Variants in MTMR3 observed in about 807,000 individuals in gnomAD.
MTMR3 encodes the protein phosphatidylinositol-3,5-bisphosphate 3-phosphatase MTMR3.
MTMR3 carries 32 observed loss-of-function variants against 132.4 expected under a neutral mutation model. The ratio of observed to expected loss-of-function variants is 0.24; its 90% confidence interval spans 0.18 to 0.32. MTMR3 has a LOEUF of 0.32. MTMR3 is among the 10% of genes least tolerant of loss of function. The probability of loss-of-function intolerance (pLI) is 1.00; values close to 1 mark genes in which losing one functional copy is unlikely to be tolerated. For missense variants in MTMR3, 1,216 were observed against 1,489.6 expected, an observed-to-expected ratio of 0.82 and a Z score of 3.02; for synonymous variants, 556 against 550.3, an observed-to-expected ratio of 1.01 and a Z score of -0.14.
At chr22:29,968,142 A>G (rs1483597878) in intron 2 of MTMR3, among the ~76,000 whole-genome samples, 2 of 152,132 alleles carry the variant, frequency 1.3e-5, no homozygotes, top group African/African-American at 2.4e-5. Context: ...TGATGACTCT[A>G]AACTTTTTTG....
At chr22:30,010,952 A>C (rs2145945945) in intron 12 of MTMR3, 1 of 152,326 alleles carries the variant, frequency 6.6e-6, no homozygotes, top group South Asian at 2.1e-4. Context: ...TGCTGGGGGT[A>C]CAGTTATGAC....
chr22:29,940,601 C>G (rs1242736312), intron 1 of MTMR3, among the ~76,000 whole-genome samples: 1 of 149,614 alleles, frequency 6.7e-6, no homozygotes, highest in Admixed American at 6.6e-5. Flanking sequence ...TAGGAAAAAT[C>G]GGAACATTCT....
chr22:29,970,509 T>G (rs1384720563), intron 2 of MTMR3, among the ~76,000 whole-genome samples: 1 of 142,478 alleles, frequency 7.0e-6, no homozygotes, highest in African/African-American at 2.6e-5. Flanking sequence ...TTTTTTTTTT[T>G]TTTTTTTTTT....
At chr22:29,923,455 T>C (rs542285115) in intron 1 of MTMR3, among the ~76,000 whole-genome samples, 1 of 152,172 alleles carries the variant, frequency 6.6e-6, no homozygotes, top group Non-Finnish European at 1.5e-5. Context: ...TCTGCCACCT[T>C]GGCCTCCCAA....
Position 30,017,871 on chromosome 22 carries a change from A to T in MTMR3, c.1675-56A>T. The stretch of plus-strand genomic sequence containing the variant: ...GCTTGCTCTTGATCCTCATTTCCAG[A>T]CATCCTAGAAGACTTATTGGGGCAT... On this transcript the variant is annotated intron_variant, in intron 15 of 19. Coordinates refer to ENST00000401950, the MANE Select transcript of MTMR3 (RefSeq NM_021090.4). 4 of 1,600,678 alleles carry T rather than the reference A, an allele frequency of 2.5e-6. No individual in the cohort carries two copies. The South Asian group carries it at 4.5e-5, about 18-fold the overall frequency.
chr22:29,914,923 A>G (rs1030431978), intron 1 of MTMR3, among the ~76,000 whole-genome samples: 1 of 152,146 alleles, frequency 6.6e-6, no homozygotes, highest in African/African-American at 2.4e-5. Flanking sequence ...TGGCCTATGA[A>G]TTATAAAAGT....
chr22:29,915,083 G>T (rs2145755991), intron 1 of MTMR3, among the ~76,000 whole-genome samples: 2 of 152,216 alleles, frequency 1.3e-5, no homozygotes, highest in East Asian at 3.9e-4. Flanking sequence ...TGTGGTGAAT[G>T]TTTTGTGTCT....
At chr22:30,001,683 G>A (rs1276493535) in intron 8 of MTMR3, 1 of 152,174 alleles carries the variant, frequency 6.6e-6, no homozygotes, top group Non-Finnish European at 1.5e-5. Context: ...TGAGAGCCAA[G>A]TTTACTCTTG....
intron 1 of MTMR3, among the ~76,000 whole-genome samples, 164 bp downstream of exon 1, chr22:29,883,523 G>A (rs1246612080): frequency 6.6e-6 from 1 of 152,202 alleles, no homozygotes; most frequent in South Asian, 2.1e-4. Flanking sequence ...GGGCGTCCCC[G>A]GCGGCTGTCG....
At chr22:29,946,021 T>TGTGTGTGTGTGTG (rs1602533546) in intron 1 of MTMR3, among the ~76,000 whole-genome samples, 23 of 150,780 alleles carry the variant, frequency 1.5e-4, no homozygotes, top group African/African-American at 5.1e-4. Context: ...GTGTATATAT[T>TGTGTGTGTGTGTG]TGTGTGTGTG....
chr22:29,934,804 A>G (rs1013559768), intron 1 of MTMR3, among the ~76,000 whole-genome samples: 4 of 152,220 alleles, frequency 2.6e-5, no homozygotes, highest in Non-Finnish European at 4.4e-5. Context: ...ACCTCCTTCA[A>G]CAACTATGAA....
intron 1 of MTMR3, among the ~76,000 whole-genome samples, chr22:29,922,509 A>G (rs2065436948): frequency 6.6e-6 from 1 of 152,190 alleles, no homozygotes; most frequent in African/African-American, 2.4e-5. Context: ...GTATATACCT[A>G]GAATTGGAAT....
intron 3 of MTMR3, among the ~76,000 whole-genome samples, chr22:29,974,776 A>G (rs2066599034): frequency 6.6e-6 from 1 of 152,234 alleles, no homozygotes; most frequent in Non-Finnish European, 1.5e-5. Context: ...AAATGACCTT[A>G]CACAGAATAA....
chr22:29,903,796 C>G (rs530448453), intron 1 of MTMR3, among the ~76,000 whole-genome samples: 1 of 152,102 alleles, frequency 6.6e-6, no homozygotes, highest in African/African-American at 2.4e-5. Flanking sequence ...CAGAGCTTTT[C>G]TCATTAATGT....
chr22:29,906,701 T>C (rs985966910), intron 1 of MTMR3, among the ~76,000 whole-genome samples: 1 of 152,182 alleles, frequency 6.6e-6, no homozygotes, highest in Admixed American at 6.5e-5. Context: ...CTAGGAGCTT[T>C]TTCATTCCTG....
chr22:29,933,661 CTT>C (rs2065688837), intron 1 of MTMR3, among the ~76,000 whole-genome samples: 1 of 150,524 alleles, frequency 6.6e-6, no homozygotes, highest in African/African-American at 2.4e-5. Flanking sequence ...ACTAATCAGA[CTT>C]TAGTCATCAA....
At chr22:30,025,372 C>T (rs1199722174) in intron 19 of MTMR3, 2 of 520,252 alleles carry the variant, frequency 3.8e-6, no homozygotes, top group Non-Finnish European at 7.0e-6. Flanking sequence ...CTTTTGTATA[C>T]CTGAGCAGCA....
At chr22:30,025,605 T>G in intron 19 of MTMR3, 25 bp from the exon 20 acceptor site, 3 of 1,613,502 alleles carry the variant, frequency 1.9e-6, no homozygotes, top group Non-Finnish European at 2.5e-6. Context: ...AAAACTAACA[T>G]TGTTCTGTTT....
chr22:29,919,743 G>A (rs1251019010), intron 1 of MTMR3, among the ~76,000 whole-genome samples: 1 of 151,986 alleles, frequency 6.6e-6, no homozygotes, highest in Non-Finnish European at 1.5e-5. Flanking sequence ...GCTCAGGCTA[G>A]TCTTGAACTC....
Sources: allele counts gnomAD v4.1 joint callset (sites outside exome capture counted in the v4.1 genomes callset), GRCh38; gene constraint gnomAD v4.1.1; transcripts MANE v1.5; gene names NCBI Gene and HGNC (gene_info 2026-07-23, HGNC 2026-07-21).